The following FBXO31 variants were observed in gnomAD, a reference collection of about 807,000 sequenced individuals.
The protein encoded by FBXO31 is F-box protein 31, also known as F-box only protein 31.
Under a neutral mutation model 54.4 loss-of-function variants are expected in FBXO31, and 24 were observed. The observed-to-expected ratio is 0.44, with a 90% confidence interval of 0.32 to 0.62. The LOEUF is 0.62. Among genes scored for constraint, FBXO31 ranks in the 20% least tolerant of loss-of-function variants. The pLI, the probability that FBXO31 is intolerant of heterozygous loss-of-function variation, is 0.05. For synonymous variants in FBXO31, 388 were observed against 335.6 expected (o/e 1.16, Z -1.71); for missense variants, 665 against 787.1 (o/e 0.84, Z 1.86).
At chr16:87,388,512 G>C (rs1907403896), upstream of FBXO31, among the ~76,000 whole-genome samples, 2 of 152,236 alleles carry the variant, frequency 1.3e-5, no homozygotes, top group African/African-American at 2.4e-5. Flanking sequence ...AGAAAGAGGA[G>C]AGGAGGGAGA....
chr16:87,354,098 G>C (rs1004637935), intron 2 of FBXO31, among the ~76,000 whole-genome samples: 2 of 152,234 alleles, frequency 1.3e-5, no homozygotes, highest in African/African-American at 2.4e-5. Context: ...TCTAAGCAAG[G>C]CACTCCATAT....
chr16:87,335,530 GGA>G lies in FBXO31; in HGVS notation c.843-75_843-74del. On this transcript the variant is annotated intron_variant, in intron 6 of 8. Transcript: ENST00000311635. This position sits in a 1 kb window ranked among gnomAD's most constrained non-coding sequence, Gnocchi z 5.7. ...GGACTGAGAACGCCCAAGGTGCCAGGGATGAGCTTTGCAGGGCGGGGTAGGGC... is the reference window on the plus strand; with the variant it reads ...GGACTGAGAACGCCCAAGGTGCCAGGTGAGCTTTGCAGGGCGGGGTAGGGC... The G allele has an allele frequency of 6.9e-7, 1 of 1,458,862 alleles. No individual in the cohort carries two copies. Among genetic ancestry groups the G allele is most frequent in the Non-Finnish European group, 9.3e-7 (1 of 1,077,382 alleles). 90.4% of individuals were successfully genotyped at this position (1,458,862 alleles called of 1,614,324 possible). A position where few individuals can be genotyped will look rare whatever the true frequency, so the allele number is the denominator to read the frequency against.
rs1904699569 is a variant in FBXO31, at chr16:87,327,760, C to T, written c.*3528G>A. ...AGTCCAGTGATGTTCCTGGTCTCTC[C>T]CCAGAAGTACAGACAGGTTGGGCCA... is the stretch of plus-strand genomic sequence containing the variant. On this transcript the variant is annotated 3_prime_UTR_variant, in exon 9 of 9. Coordinates refer to ENST00000311635, the MANE Select transcript of FBXO31 (RefSeq NM_024735.5). The T allele has an allele frequency of 6.6e-6, 1 of 152,178 alleles. No homozygotes were observed. Among genetic ancestry groups the T allele is most frequent in the Non-Finnish European group, 1.5e-5 (1 of 68,034 alleles). 9.4% of individuals were successfully genotyped at this position (152,178 alleles called of 1,614,324 possible).
intron 1 of FBXO31, among the ~76,000 whole-genome samples, chr16:87,374,471 T>G (rs935790011): frequency 3.3e-5 from 5 of 152,206 alleles, no homozygotes; most frequent in African/African-American, 1.2e-4. Flanking sequence ...ACAGAATGGC[T>G]GCATGGGCAC....
intron 1 of FBXO31, among the ~76,000 whole-genome samples, chr16:87,380,686 G>C (rs1260931730): frequency 6.6e-6 from 1 of 152,198 alleles, no homozygotes; most frequent in African/African-American, 2.4e-5. Flanking sequence ...GAATTCTCAC[G>C]TTAGCAGGTC....
chr16:87,381,234 TAAGACAAAAATAGACACTCTAAGAGAAA>T (rs1430364995), intron 1 of FBXO31, among the ~76,000 whole-genome samples: 4 of 152,102 alleles, frequency 2.6e-5, no homozygotes, highest in Non-Finnish European at 4.4e-5. Context: ...TCACAATTTG[TAAGACAAAAATAGACACTCTAAGAGAAA>T]AAGACAAAAA....
At chr16:87,351,356 C>T (rs1421355897) in intron 2 of FBXO31, among the ~76,000 whole-genome samples, 1 of 152,044 alleles carries the variant, frequency 6.6e-6, no homozygotes, top group Admixed American at 6.6e-5. Flanking sequence ...CATCTAGATG[C>T]CTATCTTTCT....
Position 87,338,211 on chromosome 16 carries a change from T to A in FBXO31, c.733-1947A>T, listed in dbSNP as rs1288776469. 3.4e-5 allele frequency among the ~76,000 whole-genome samples: 5 copies of A among 147,956 alleles called. No individual in the cohort carries two copies. The highest frequency in any genetic ancestry group is 1.3e-4 in the African/African-American group (5 of 39,770). On this transcript the variant is annotated intron_variant, in intron 5 of 8. Transcript: ENST00000311635. The surrounding 1 kb of genome is among the most constrained non-coding windows in gnomAD (Gnocchi z 4.3). ...AGCATGTTTATTATGAAATTACTCA[T>A]CAGAGCAACACATACAAGCCACAAG... is the stretch of plus-strand genomic sequence containing the variant.
intron 1 of FBXO31, among the ~76,000 whole-genome samples, chr16:87,368,516 ACGGC>A (rs966889488): frequency 2.6e-5 from 4 of 152,072 alleles, no homozygotes; most frequent in African/African-American, 9.7e-5. Flanking sequence ...CCAACTCCAG[ACGGC>A]CAGCACGACC....
chr16:87,342,845 C>T (rs758801299), intron 5 of FBXO31, 32 bp downstream of exon 5: 1 of 1,573,272 alleles, frequency 6.4e-7, no homozygotes, highest in Non-Finnish European at 8.6e-7. Flanking sequence ...AGGTCCGCAC[C>T]ATATGAACAC....
At chr16:87,344,377 G>A (rs1035695433) in intron 3 of FBXO31, among the ~76,000 whole-genome samples, 9 of 152,216 alleles carry the variant, frequency 5.9e-5, no homozygotes, top group South Asian at 2.1e-4. Flanking sequence ...GTGCGATCTC[G>A]CGTGTCCGGG....
In FBXO31 at chr16:87,342,959, G is replaced by A. The variant is rs764657774; in HGVS notation, c.658-8C>T. On this transcript the variant is annotated splice_polypyrimidine_tract_variant and splice_region_variant and intron_variant, in intron 4 of 8. Transcript: ENST00000311635. ...CTCATCCTTCTTCACAATCTTCAGT[G>A]TTTGCAACACAAGGAAAGAGAAGAG... 1.9e-6 allele frequency: 3 copies of A among 1,602,536 alleles called. No homozygotes were observed. Among genetic ancestry groups the A allele is most frequent in the Non-Finnish European group, 2.6e-6 (3 of 1,174,306 alleles).
At chr16:87,373,398 G>C (rs574716791) in intron 1 of FBXO31, among the ~76,000 whole-genome samples, 2 of 152,228 alleles carry the variant, frequency 1.3e-5, no homozygotes, top group African/African-American at 4.8e-5. Context: ...CTTGCAGTGA[G>C]CCGAGATCGC....
At chr16:87,378,376 T>C (rs1052279609) in intron 1 of FBXO31, among the ~76,000 whole-genome samples, 1 of 152,190 alleles carries the variant, frequency 6.6e-6, no homozygotes, top group Non-Finnish European at 1.5e-5. Context: ...GTGAATAAAA[T>C]TCACCCAAAT....
In FBXO31 at chr16:87,339,153, A is replaced by G. The variant is rs1181306105; in HGVS notation, c.733-2889T>C. The stretch of plus-strand genomic sequence containing the variant: ...TTTATCAGCAGCGTGAAAATGGACT[A>G]ATACAGTGCTGATCCAGAAGTTCTC... On this transcript the variant is annotated intron_variant, in intron 5 of 8. Transcript: ENST00000311635. Among the ~76,000 whole-genome samples the G allele has an allele frequency of 2.0e-5, 3 of 152,228 alleles. No individual in the cohort carries two copies. In the East Asian group the frequency reaches 5.8e-4, roughly 29 times the overall value.
intron 5 of FBXO31, among the ~76,000 whole-genome samples, chr16:87,337,418 A>G (rs1905069941): frequency 2.0e-5 from 3 of 152,200 alleles, no homozygotes; most frequent in Admixed American, 2.0e-4. Context: ...CAGGCACTAC[A>G]CAGACTGGAC....
intron 4 of FBXO31, 25 bp downstream of exon 4, chr16:87,343,573 G>A: frequency 6.4e-7 from 1 of 1,571,988 alleles, no homozygotes; most frequent in Non-Finnish European, 8.6e-7. Context: ...GGACAGTGAG[G>A]ACCCAGCCCC....
At chr16:87,349,373 G>T (rs1212447643) in intron 2 of FBXO31, among the ~76,000 whole-genome samples, 1 of 152,236 alleles carries the variant, frequency 6.6e-6, no homozygotes, top group Non-Finnish European at 1.5e-5. Flanking sequence ...GGCAGGGATT[G>T]TGGAACACGT....
At chr16:87,371,408 A>AAGC (rs1906597784) in intron 1 of FBXO31, among the ~76,000 whole-genome samples, 1 of 152,240 alleles carries the variant, frequency 6.6e-6, no homozygotes, top group Non-Finnish European at 1.5e-5. Context: ...CAAAGGGCAC[A>AAGC]AGCAATCACT....
Sources: allele counts gnomAD v4.1 joint callset (sites outside exome capture counted in the v4.1 genomes callset), GRCh38; gene constraint gnomAD v4.1.1; non-coding constraint Gnocchi (gnomAD v3.1); transcripts MANE v1.5; gene names NCBI Gene and HGNC (gene_info 2026-07-23, HGNC 2026-07-21).